EPHA7: variants seen among roughly 807,000 people sequenced by gnomAD.
EPHA7 encodes the protein EPH receptor A7, also known as ephrin type-A receptor 7.
A neutral mutation model predicts 112.6 loss-of-function variants in EPHA7; 25 were observed. The observed-to-expected ratio is 0.22, with a 90% confidence interval of 0.16 to 0.31. The LOEUF (loss-of-function observed/expected upper bound fraction) is 0.31, where lower values mean the gene tolerates loss of function less well. Among genes scored for constraint, EPHA7 ranks in the 10% least tolerant of loss-of-function variants. The pLI is 1.00. For synonymous variants in EPHA7, 437 were observed against 406.5 expected, an observed-to-expected ratio of 1.07 and a Z score of -0.90; for missense variants, 962 against 1,212.6, an observed-to-expected ratio of 0.79 and a Z score of 3.07.
chr6:93,365,789 G>C (rs952635620), intron 3 of EPHA7, among the ~76,000 whole-genome samples: 1 of 152,164 alleles, frequency 6.6e-6, no homozygotes, highest in African/African-American at 2.4e-5. Flanking sequence ...TTTCATAACA[G>C]GTACTTAAGT....
intron 14 of EPHA7, among the ~76,000 whole-genome samples, chr6:93,252,168 C>G (rs1316559620): frequency 1.3e-5 from 2 of 151,942 alleles, no homozygotes; most frequent in Non-Finnish European, 2.9e-5. Flanking sequence ...GTTACAAAAA[C>G]CTCACTTTAT....
At chr6:93,329,775 C>T (rs967300254) in intron 5 of EPHA7, among the ~76,000 whole-genome samples, 7 of 150,898 alleles carry the variant, frequency 4.6e-5, no homozygotes, top group African/African-American at 7.3e-5. Flanking sequence ...AAGGAGACTG[C>T]GGCAGAACTG....
intron 5 of EPHA7, among the ~76,000 whole-genome samples, chr6:93,276,963 A>G (rs9452287): frequency 0.44 from 67,316 of 151,906 alleles, 15,840 homozygotes; most frequent in South Asian, 0.7. Flanking sequence ...CAACAAGCAT[A>G]AAATGATCTT....
At position 93,384,179 on chromosome 6, in the gene EPHA7, C is replaced by G. The variant is rs903566179; in HGVS notation, c.833-25768G>C. ...TCAGAAACCTAATGTCATGTGTTAC[C>G]CTTAATACATCTCATTGTTTTACTA... On this transcript the variant is annotated intron_variant, in intron 3 of 16. Transcript: ENST00000369303. 8.5e-5 allele frequency among the ~76,000 whole-genome samples: 13 copies of G among 152,104 alleles called. No homozygotes were observed. In the East Asian group the frequency reaches 2.1e-3, roughly 25 times the overall value.
chr6:93,392,145 C>T (rs539123108), intron 3 of EPHA7, among the ~76,000 whole-genome samples: 9 of 152,108 alleles, frequency 5.9e-5, no homozygotes, highest in Non-Finnish European at 1.2e-4. Flanking sequence ...AAAGCCACAG[C>T]TATGCTGACA....
At chr6:93,272,647 C>T (rs1334132466) in intron 5 of EPHA7, among the ~76,000 whole-genome samples, 1 of 151,850 alleles carries the variant, frequency 6.6e-6, no homozygotes, top group Non-Finnish European at 1.5e-5. Context: ...CAGAAGATAG[C>T]ATTGTTCAAG....
intron 5 of EPHA7, among the ~76,000 whole-genome samples, chr6:93,327,476 T>A (rs149886960): frequency 5.3e-5 from 8 of 151,464 alleles, no homozygotes; most frequent in African/African-American, 1.9e-4. Flanking sequence ...AACCCCAATA[T>A]CACACATAAA....
chr6:93,280,228 C>T (rs1023650069), intron 5 of EPHA7, among the ~76,000 whole-genome samples: 1 of 152,082 alleles, frequency 6.6e-6, no homozygotes, highest in Non-Finnish European at 1.5e-5. Flanking sequence ...CAGTAAAGAG[C>T]AAAACACACA....
At position 93,272,278 on chromosome 6, in the gene EPHA7, C is replaced by A; in HGVS notation, c.1449+20G>T. The A allele has an allele frequency of 6.2e-7, 1 of 1,610,566 alleles. No homozygotes were observed. The highest frequency in any genetic ancestry group is 1.1e-5 in the South Asian group (1 of 90,978). On this transcript the variant is annotated intron_variant, in intron 6 of 16. Transcript: ENST00000369303. ...GAGACACACAGCACATTGTACATTTCAGTTGCTCTTAGCACTTACTTTCTC... is the reference window on the plus strand; with the variant it reads ...GAGACACACAGCACATTGTACATTTAAGTTGCTCTTAGCACTTACTTTCTC...
chr6:93,259,216 A>C, intron 10 of EPHA7, 138 bp downstream of exon 10: 1 of 959,648 alleles, frequency 1.0e-6, no homozygotes, highest in Non-Finnish European at 1.5e-6. Context: ...AAACAAGTAC[A>C]GCCTCACTGC....
chr6:93,334,675 T>C (rs1190489218), intron 5 of EPHA7, among the ~76,000 whole-genome samples: 1 of 152,076 alleles, frequency 6.6e-6, no homozygotes, highest in East Asian at 1.9e-4. Context: ...GGTGTTAGCA[T>C]TTCTGCTACT....
At chr6:93,381,238 C>A (rs991507696) in intron 3 of EPHA7, among the ~76,000 whole-genome samples, 1 of 152,038 alleles carries the variant, frequency 6.6e-6, no homozygotes, top group Non-Finnish European at 1.5e-5. Context: ...AACTTTAGTG[C>A]AATAAGTTCT....
In EPHA7 at chr6:93,316,648, T is replaced by C. The variant is rs1471696552; in HGVS notation, c.1324+40069A>G. The stretch of plus-strand genomic sequence containing the variant: ...TTATTTACATATAAAATATCAATTG[T>C]GCAAAGAAATTACTTTCTATATTAA... On this transcript the variant is annotated intron_variant, in intron 5 of 16. Coordinates refer to ENST00000369303, the MANE Select transcript of EPHA7 (RefSeq NM_004440.4). Among the ~76,000 whole-genome samples the C allele has an allele frequency of 2.6e-5, 4 of 152,150 alleles. No individual in the cohort carries two copies. In the East Asian group the frequency reaches 7.7e-4, roughly 29 times the overall value.
chr6:93,378,697 A>G (rs1342117892), intron 3 of EPHA7, among the ~76,000 whole-genome samples: 1 of 152,138 alleles, frequency 6.6e-6, no homozygotes, highest in Non-Finnish European at 1.5e-5. Flanking sequence ...CCCACATTAG[A>G]CAGATTACAA....
chr6:93,256,093 A>C, intron 12 of EPHA7, 56 bp from the exon 13 acceptor site: 1 of 1,493,230 alleles, frequency 6.7e-7, no homozygotes, highest in Non-Finnish European at 9.3e-7. Context: ...AAGGGACAAA[A>C]ATCACCATGA....
intron 3 of EPHA7, among the ~76,000 whole-genome samples, chr6:93,382,478 C>A (rs2127972404): frequency 6.6e-6 from 1 of 152,254 alleles, no homozygotes; most frequent in South Asian, 2.1e-4. Flanking sequence ...TCATAACAGG[C>A]CAGTGACCAC....
intron 3 of EPHA7, among the ~76,000 whole-genome samples, chr6:93,370,315 C>T (rs164550): frequency 0.94 from 143,590 of 152,190 alleles, 67,819 homozygotes; most frequent in East Asian, 1. Flanking sequence ...GAAACTATCT[C>T]TCTTTAAATA....
At chr6:93,408,672 A>G (rs1314876787) in intron 3 of EPHA7, among the ~76,000 whole-genome samples, 2 of 152,100 alleles carry the variant, frequency 1.3e-5, no homozygotes, top group Non-Finnish European at 1.5e-5. Flanking sequence ...TCTGGTGAAG[A>G]TGATAATTGA....
rs542553606 is a variant in EPHA7, at chr6:93,382,669, C to T, written c.833-24258G>A. ...ACCATTCAGTCCCCGGTTTACTGAA[C>T]GAGGTTTTTTCCCTCACCACTGTTT... On this transcript the variant is annotated intron_variant, in intron 3 of 16. Transcript: ENST00000369303. Among the ~76,000 whole-genome samples, 7 of 152,252 alleles carry T rather than the reference C, an allele frequency of 4.6e-5. No individual in the cohort carries two copies. In the East Asian group the frequency reaches 1.2e-3, roughly 25 times the overall value.
Sources: allele counts gnomAD v4.1 joint callset (sites outside exome capture counted in the v4.1 genomes callset), GRCh38; gene constraint gnomAD v4.1.1; transcripts MANE v1.5; gene names NCBI Gene and HGNC (gene_info 2026-07-23, HGNC 2026-07-21).